Variants in SCN7A observed in about 807,000 individuals in gnomAD.
The protein encoded by SCN7A is sodium voltage-gated channel alpha subunit 7.
Under a neutral mutation model 155.2 loss-of-function variants are expected in SCN7A, and 138 were observed. The observed-to-expected ratio is 0.89, with a 90% CI of 0.77 to 1.02. The LOEUF (loss-of-function observed/expected upper bound fraction) is 1.02, where lower values mean the gene tolerates loss of function less well. SCN7A is among the 50% of genes least tolerant of loss of function. SCN7A has a pLI of 0.00. For missense variants in SCN7A, 2,058 were observed against 1,986.6 expected (o/e 1.04, Z -0.68); for synonymous variants, 693 against 649.0 (o/e 1.07, Z -1.03).
At chr2:166,470,554 A>G (rs12992062) in intron 7 of SCN7A, 61 bp downstream of exon 7, 454,342 of 1,390,392 alleles carry the variant, frequency 0.33, 77,032 homozygotes, top group Admixed American at 0.35. Flanking sequence ...GGGAAGTTCA[A>G]GTGAATACAT....
chr2:166,426,210 T>C (rs76929648), intron 18 of SCN7A, among the ~76,000 whole-genome samples: 5,875 of 152,206 alleles, frequency 0.039, 134 homozygotes, highest in Middle Eastern at 0.054. Context: ...ATTGCTATTT[T>C]TCAGTAGAAT....
chr2:166,441,377 A>G lies in SCN7A; in HGVS notation c.2157+19T>C, dbSNP rs141427388. ...TTATACCAGTTTTCATGGAAAATGT[A>G]AAAGAATTGACTACTTACCAGTAAA... is the stretch of plus-strand genomic sequence containing the variant. On this transcript the variant is annotated intron_variant, in intron 15 of 25. Coordinates refer to ENST00000643258, the MANE Select transcript of SCN7A (RefSeq NM_002976.4). The G allele has an allele frequency of 1.4e-3, 2,173 of 1,516,474 alleles. 4 individuals carry two copies. Among genetic ancestry groups the G allele is most frequent in the Middle Eastern group, 4.6e-3 (26 of 5,650 alleles). 93.9% of individuals were successfully genotyped at this position (1,516,474 alleles called of 1,614,324 possible). A position where few individuals can be genotyped will look rare whatever the true frequency, so the allele number is the denominator to read the frequency against.
At chr2:166,486,467 G>T (rs1703051110) in intron 2 of SCN7A, among the ~76,000 whole-genome samples, 1 of 152,194 alleles carries the variant, frequency 6.6e-6, no homozygotes, top group African/African-American at 2.4e-5. Context: ...AAGTCCTGGA[G>T]CTTCTACGAG....
intron 23 of SCN7A, among the ~76,000 whole-genome samples, chr2:166,411,727 T>C (rs983242385): frequency 6.6e-6 from 1 of 151,988 alleles, no homozygotes; most frequent in Non-Finnish European, 1.5e-5. Flanking sequence ...TTTACGGTAA[T>C]CAGGTTAGGT....
At chr2:166,438,583 A>T (rs1213283000) in intron 15 of SCN7A, among the ~76,000 whole-genome samples, 1 of 152,160 alleles carries the variant, frequency 6.6e-6, no homozygotes, top group Non-Finnish European at 1.5e-5. Flanking sequence ...TTAAGGCTTA[A>T]TATCACTGCT....
chr2:166,486,186 A>G (rs1703043296), intron 2 of SCN7A, among the ~76,000 whole-genome samples: 1 of 152,124 alleles, frequency 6.6e-6, no homozygotes, highest in Admixed American at 6.5e-5. Context: ...TATCCTCTTA[A>G]TCTGTGGTTA....
At chr2:166,421,630 T>G (rs977135431) in intron 19 of SCN7A, among the ~76,000 whole-genome samples, 21 of 151,986 alleles carry the variant, frequency 1.4e-4, no homozygotes, top group Non-Finnish European at 4.4e-5. Flanking sequence ...AAGAATCAGT[T>G]TCATAATTAC....
intron 15 of SCN7A, 26 bp from the exon 16 acceptor site, chr2:166,432,778 A>C: frequency 1.4e-6 from 2 of 1,452,276 alleles, no homozygotes; most frequent in Admixed American, 5.3e-5. Flanking sequence ...AAATGAGGCT[A>C]AATGTATCTC....
intron 20 of SCN7A, among the ~76,000 whole-genome samples, chr2:166,420,502 T>C (rs1336928626): frequency 6.6e-6 from 1 of 152,118 alleles, no homozygotes; most frequent in Non-Finnish European, 1.5e-5. Flanking sequence ...CTTATACTAC[T>C]TGTGGTGGTC....
At chr2:166,421,079 T>C in intron 20 of SCN7A, 111 bp downstream of exon 20, 2 of 664,332 alleles carry the variant, frequency 3.0e-6, no homozygotes, top group Non-Finnish European at 5.1e-6. Flanking sequence ...GTTTTTGTTG[T>C]ATTAATACTG....
At position 166,405,294 on chromosome 2, in the gene SCN7A, C is replaced by A; in HGVS notation, c.*286G>T. The A allele has an allele frequency of 3.3e-6, 1 of 304,878 alleles. No individual in the cohort carries two copies. The highest frequency in any genetic ancestry group is 5.9e-6 in the Non-Finnish European group (1 of 168,626). The allele number at this position is 304,878 out of a possible 1,614,324, so 18.9% of individuals were successfully genotyped here. A position where few individuals can be genotyped will look rare whatever the true frequency, so the allele number is the denominator to read the frequency against. ...ATCTCTATCACCACTTCCCTTCATT[C>A]CCTAGAAGGCACACATCATATAAGC... On this transcript the variant is annotated 3_prime_UTR_variant, in exon 26 of 26. Transcript: ENST00000643258.
chr2:166,444,453 A>T (rs1702020419), intron 13 of SCN7A, among the ~76,000 whole-genome samples: 1 of 152,108 alleles, frequency 6.6e-6, no homozygotes, highest in Non-Finnish European at 1.5e-5. Context: ...GTACCAAGAG[A>T]CTGTATATTT....
At chr2:166,434,850 T>G (rs1417280635) in intron 15 of SCN7A, among the ~76,000 whole-genome samples, 1 of 152,134 alleles carries the variant, frequency 6.6e-6, no homozygotes, top group Admixed American at 6.5e-5. Flanking sequence ...TTTCTCTTAA[T>G]TAGACAACCA....
intron 14 of SCN7A, among the ~76,000 whole-genome samples, chr2:166,443,020 C>T (rs1323369723): frequency 6.6e-6 from 1 of 152,158 alleles, no homozygotes; most frequent in Non-Finnish European, 1.5e-5. Flanking sequence ...ACAATATTCT[C>T]ATAACGTTAT....
intron 3 of SCN7A, among the ~76,000 whole-genome samples, chr2:166,476,724 C>T (rs1158015453): frequency 6.6e-6 from 1 of 151,990 alleles, no homozygotes; most frequent in Non-Finnish European, 1.5e-5. Flanking sequence ...TATCTCGTAA[C>T]TTGCAACAGC....
intron 11 of SCN7A, among the ~76,000 whole-genome samples, chr2:166,454,158 C>T (rs1203414887): frequency 6.6e-6 from 1 of 152,062 alleles, no homozygotes; most frequent in Admixed American, 6.6e-5. Context: ...TTGAGTGCAG[C>T]CATAAGCCCT....
At chr2:166,451,514 A>C (rs1156425908) in intron 11 of SCN7A, among the ~76,000 whole-genome samples, 3 of 152,186 alleles carry the variant, frequency 2.0e-5, no homozygotes, top group Non-Finnish European at 4.4e-5. Flanking sequence ...AACTAGTTTA[A>C]GTATTTTTTG....
At chr2:166,421,844 A>G (rs772901205) in intron 19 of SCN7A, among the ~76,000 whole-genome samples, 8 of 152,172 alleles carry the variant, frequency 5.3e-5, no homozygotes, top group African/African-American at 7.2e-5. Context: ...AATCTTTAAA[A>G]GTAAATATAT....
intron 5 of SCN7A, among the ~76,000 whole-genome samples, chr2:166,473,089 C>T (rs1011356644): frequency 9.2e-5 from 14 of 151,376 alleles, no homozygotes; most frequent in African/African-American, 2.9e-4. Flanking sequence ...TTAATACCTG[C>T]GTGATGAATA....
Sources: allele counts gnomAD v4.1 joint callset (sites outside exome capture counted in the v4.1 genomes callset), GRCh38; gene constraint gnomAD v4.1.1; transcripts MANE v1.5; gene names NCBI Gene and HGNC (gene_info 2026-07-23, HGNC 2026-07-21).